FAM227B: variants seen among roughly 807,000 people sequenced by gnomAD.
The protein encoded by FAM227B is protein FAM227B.
Under a neutral mutation model 73.8 loss-of-function variants are expected in FAM227B, and 88 were observed. That is an observed-to-expected ratio of 1.19 (90% CI 1.00 to 1.42). The LOEUF is 1.42. Ranked by LOEUF, FAM227B falls within the 40% of genes most tolerant of loss-of-function variation. The pLI, the probability that FAM227B is intolerant of heterozygous loss-of-function variation, is 0.00. For missense variants in FAM227B, 632 were observed against 590.9 expected (o/e 1.07, Z -0.72); for synonymous variants, 210 against 190.5 (o/e 1.10, Z -0.84).
intron 11 of FAM227B, among the ~76,000 whole-genome samples, chr15:49,391,948 CGTT>C (rs1359786953): frequency 6.6e-6 from 1 of 152,036 alleles, no homozygotes; most frequent in African/African-American, 2.4e-5. Flanking sequence ...TTACTGCAAA[CGTT>C]GGTGTGGGTA....
At chr15:49,602,418 T>C (rs144865363) in intron 3 of FAM227B, among the ~76,000 whole-genome samples, 1 of 152,378 alleles carries the variant, frequency 6.6e-6, no homozygotes, top group East Asian at 1.9e-4. Flanking sequence ...CCTTTTCATA[T>C]GACTGTTTGC....
chr15:49,351,262 A>C (rs1369029395), intron 13 of FAM227B, among the ~76,000 whole-genome samples: 1 of 152,202 alleles, frequency 6.6e-6, no homozygotes, highest in East Asian at 1.9e-4. Flanking sequence ...CACAATGCAA[A>C]AATGACTACT....
At chr15:49,502,002 G>T (rs1331813102) in intron 11 of FAM227B, among the ~76,000 whole-genome samples, 2 of 152,234 alleles carry the variant, frequency 1.3e-5, no homozygotes, top group African/African-American at 4.8e-5. Flanking sequence ...CTTCCTCATG[G>T]TGTTAAGCCT....
chr15:49,447,446 T>C (rs1489750347), intron 11 of FAM227B, among the ~76,000 whole-genome samples: 9 of 151,632 alleles, frequency 5.9e-5, no homozygotes, highest in Non-Finnish European at 1.5e-5. Context: ...CAGATGTGCA[T>C]TACAAGAGTC....
intron 9 of FAM227B, among the ~76,000 whole-genome samples, chr15:49,560,250 A>T (rs542491870): frequency 7.1e-4 from 108 of 152,316 alleles, no homozygotes; most frequent in African/African-American, 2.4e-3. Flanking sequence ...TTTTATCAAT[A>T]GTCTAGACTA....
At chr15:49,567,753 T>G (rs889148458) in intron 9 of FAM227B, among the ~76,000 whole-genome samples, 1 of 152,104 alleles carries the variant, frequency 6.6e-6, no homozygotes, top group African/African-American at 2.4e-5. Flanking sequence ...GGGACATTAC[T>G]TATTTGAATC....
intron 11 of FAM227B, among the ~76,000 whole-genome samples, chr15:49,376,214 G>A (rs148937200): frequency 9.9e-4 from 150 of 152,078 alleles, no homozygotes; most frequent in Non-Finnish European, 1.3e-3. Context: ...TCAAGGTCAC[G>A]AAGAGTTACT....
chr15:49,508,413 C>T (rs1188141110), intron 10 of FAM227B, 65 bp from the exon 11 acceptor site: 10 of 1,379,976 alleles, frequency 7.2e-6, no homozygotes, highest in Non-Finnish European at 6.9e-6. Flanking sequence ...TTTAATTTGT[C>T]AAAGCATTTT....
At chr15:49,329,446 T>G in intron 15 of FAM227B, 5 of 984,934 alleles carry the variant, frequency 5.1e-6, no homozygotes, top group Non-Finnish European at 4.8e-6. Flanking sequence ...ATTCTGTGAT[T>G]TCATTAGCTC....
intron 11 of FAM227B, among the ~76,000 whole-genome samples, chr15:49,436,017 C>T (rs2051069467): frequency 6.6e-6 from 1 of 151,484 alleles, no homozygotes; most frequent in Non-Finnish European, 1.5e-5. Flanking sequence ...CAAAATATCT[C>T]CATGCTGTAA....
chr15:49,603,951 G>A (rs1183929696), intron 3 of FAM227B, among the ~76,000 whole-genome samples: 3 of 152,034 alleles, frequency 2.0e-5, no homozygotes, highest in Admixed American at 6.6e-5. Context: ...GACATATCAC[G>A]CTGACTGATT....
At chr15:49,550,844 G>T (rs1291650193) in intron 9 of FAM227B, among the ~76,000 whole-genome samples, 1 of 151,956 alleles carries the variant, frequency 6.6e-6, no homozygotes, top group Non-Finnish European at 1.5e-5. Context: ...ACGATGGGCG[G>T]CCAGGCAGAG....
chr15:49,496,583 G>T (rs568572872), intron 11 of FAM227B, among the ~76,000 whole-genome samples: 1 of 152,054 alleles, frequency 6.6e-6, no homozygotes, highest in Non-Finnish European at 1.5e-5. Context: ...GTCCTAAAAA[G>T]GGAGATATCA....
intron 11 of FAM227B, chr15:49,396,054 A>AC (rs1491450280): frequency 5.3e-5 from 24 of 450,914 alleles, no homozygotes; most frequent in African/African-American, 1.6e-4. Flanking sequence ...GACGCAGAAG[A>AC]TGGTGATTTC....
At chr15:49,508,376 A>T (rs780013985) in intron 10 of FAM227B, 28 bp from the exon 11 acceptor site, 6 of 1,522,260 alleles carry the variant, frequency 3.9e-6, no homozygotes, top group Middle Eastern at 1.8e-4. Context: ...ATATTTAGCC[A>T]AATAAATTTG....
In FAM227B at chr15:49,568,226, T is replaced by C; in HGVS notation, c.747+19A>G. 1 of 1,556,100 alleles carries C rather than the reference T, an allele frequency of 6.4e-7. No homozygotes were observed. The highest frequency in any genetic ancestry group is 1.1e-5 in the South Asian group (1 of 87,320). On this transcript the variant is annotated intron_variant, in intron 9 of 15. Transcript: ENST00000299338. ...TCACTTTAAAAATAATTAGCATAAC[T>C]GTTAATTTCAATGCTTACCTGAAAA...
intron 11 of FAM227B, among the ~76,000 whole-genome samples, chr15:49,452,068 G>C (rs537851587): frequency 1.3e-5 from 2 of 151,482 alleles, no homozygotes; most frequent in Non-Finnish European, 2.9e-5. Context: ...TTGAGATAGA[G>C]TCTTGCTCTG....
intron 13 of FAM227B, among the ~76,000 whole-genome samples, chr15:49,356,292 T>C (rs1360954659): frequency 2.0e-5 from 3 of 151,208 alleles, no homozygotes; most frequent in Non-Finnish European, 2.9e-5. Flanking sequence ...GACTGGCAAA[T>C]TGGATAAAGA....
At chr15:49,565,994 C>A (rs749728882) in intron 9 of FAM227B, among the ~76,000 whole-genome samples, 4 of 152,178 alleles carry the variant, frequency 2.6e-5, no homozygotes, top group Admixed American at 2.0e-4. Flanking sequence ...ATTGGTCCTG[C>A]TGACACCTTG....
Sources: allele counts gnomAD v4.1 joint callset (sites outside exome capture counted in the v4.1 genomes callset), GRCh38; gene constraint gnomAD v4.1.1; transcripts MANE v1.5; gene names NCBI Gene and HGNC (gene_info 2026-07-23, HGNC 2026-07-21).